TULP3: variants seen among roughly 807,000 people sequenced by gnomAD.
TULP3 encodes the protein tubby-related protein 3.
Under a neutral mutation model 50.7 loss-of-function variants are expected in TULP3, and 38 were observed. The observed-to-expected ratio is 0.75, with a 90% CI of 0.58 to 0.98. The LOEUF is 0.98. Among genes scored for constraint, TULP3 ranks in the 50% least tolerant of loss-of-function variants. The pLI is 0.00. For missense variants in TULP3, 550 were observed against 568.0 expected, an observed-to-expected ratio of 0.97 and a Z score of 0.32; for synonymous variants, 183 against 196.6, an observed-to-expected ratio of 0.93 and a Z score of 0.58.
Position 2,916,872 on chromosome 12 carries a change from C to T in TULP3, c.94-3891C>T, listed in dbSNP as rs1019152475. ...GGTATAGTAGCTGTGGCCCTGATTA[C>T]AGTTTGAGTCTACAGTTGTTTTTTT... On this transcript the variant is annotated intron_variant, in intron 2 of 10. Coordinates refer to ENST00000448120, the MANE Select transcript of TULP3 (RefSeq NM_003324.5). 2.6e-5 allele frequency among the ~76,000 whole-genome samples: 4 copies of T among 152,196 alleles called. No homozygotes were observed. In the South Asian group the frequency reaches 6.2e-4, roughly 24 times the overall value.
At chr12:2,906,713 T>G (rs1413406286) in intron 1 of TULP3, among the ~76,000 whole-genome samples, 2 of 147,480 alleles carry the variant, frequency 1.4e-5, no homozygotes, top group Non-Finnish European at 3.0e-5. Flanking sequence ...GTCAGGAGTT[T>G]GAGACCAGCC....
At chr12:2,923,493 T>A (rs1192825699) in intron 4 of TULP3, among the ~76,000 whole-genome samples, 6 of 151,562 alleles carry the variant, frequency 4.0e-5, no homozygotes, top group Admixed American at 3.3e-4. Flanking sequence ...ACTAAAAATA[T>A]AAAAAAAGTA....
chr12:2,940,899 T>C lies in TULP3; in HGVS notation c.*1455T>C. 1.6e-6 allele frequency: 1 copy of C among 612,202 alleles called. No homozygotes were observed. The highest frequency in any genetic ancestry group is 2.8e-6 in the Non-Finnish European group (1 of 356,530). 37.9% of individuals were successfully genotyped at this position (612,202 alleles called of 1,614,324 possible). A position where few individuals can be genotyped will look rare whatever the true frequency, so the allele number is the denominator to read the frequency against. On this transcript the variant is annotated 3_prime_UTR_variant, in exon 11 of 11. Transcript: ENST00000448120. ...GTCACCACCACCACCCCCCACCCCA[T>C]CCTGAGGCACTGCCTGGCAGATAAC...
intron 1 of TULP3, among the ~76,000 whole-genome samples, chr12:2,895,916 A>AAACAT (rs375129720): frequency 5.1e-4 from 78 of 151,560 alleles, no homozygotes; most frequent in Middle Eastern, 6.8e-3. Flanking sequence ...TAGCATATCT[A>AAACAT]AACATAGCAA....
intron 2 of TULP3, among the ~76,000 whole-genome samples, chr12:2,912,427 G>A (rs561405556): frequency 6.6e-6 from 1 of 152,300 alleles, no homozygotes; most frequent in African/African-American, 2.4e-5. Flanking sequence ...GGGATACAGT[G>A]CACACCCATC....
chr12:2,933,978 G>A (rs993342909), intron 7 of TULP3, among the ~76,000 whole-genome samples: 9 of 152,270 alleles, frequency 5.9e-5, no homozygotes, highest in African/African-American at 2.2e-4. Context: ...GGCTGGTGTG[G>A]TGGCTCAGGC....
intron 4 of TULP3, among the ~76,000 whole-genome samples, chr12:2,924,330 G>A (rs955648459): frequency 1.3e-5 from 2 of 152,138 alleles, no homozygotes; most frequent in Non-Finnish European, 2.9e-5. Flanking sequence ...AGGGAAGTGG[G>A]CTCTAATTAT....
intron 1 of TULP3, among the ~76,000 whole-genome samples, chr12:2,901,845 A>G (rs1457293991): frequency 1.3e-5 from 2 of 152,174 alleles, no homozygotes; most frequent in African/African-American, 4.8e-5. Flanking sequence ...TTTCATTTTG[A>G]TGAAGTCCAA....
chr12:2,908,596 TG>T (rs2098183731), intron 1 of TULP3, among the ~76,000 whole-genome samples: 1 of 122,170 alleles, frequency 8.2e-6, no homozygotes, highest in South Asian at 2.5e-4. Context: ...GCTAATTTTT[TG>T]TATCTTAGTA....
chr12:2,927,958 CAT>C (rs1230561277), intron 4 of TULP3, among the ~76,000 whole-genome samples: 5 of 152,124 alleles, frequency 3.3e-5, no homozygotes, highest in South Asian at 2.1e-4. Flanking sequence ...TGTACTCCCA[CAT>C]ATAAATCTGA....
chr12:2,935,984 C>T (rs916531930), intron 8 of TULP3, among the ~76,000 whole-genome samples: 8 of 148,084 alleles, frequency 5.4e-5, no homozygotes, highest in East Asian at 2.0e-4. Context: ...TAATAATAAT[C>T]GGCCAGGCGT....
In TULP3 at chr12:2,938,205, C is replaced by G. The variant is rs1422426084; in HGVS notation, c.1115C>G (p.Thr372Ser). Residue 372 changes from threonine (T) to serine (S), a missense_variant, in exon 10 of 11, where the codon ACT (threonine) becomes AGT (serine). Transcript: ENST00000448120. ...HNKAPVWNSDTQSYVLNFRGR... is the reference protein window; with the variant it reads ...HNKAPVWNSDSQSYVLNFRGR... ...AAGGCCCCCGTCTGGAACAGTGACACTCAGTCCTATGTCCTCAACTTCCGT... is the reference window on the plus strand; with the variant it reads ...AAGGCCCCCGTCTGGAACAGTGACAGTCAGTCCTATGTCCTCAACTTCCGT... 1 of 1,614,198 alleles carries G rather than the reference C, an allele frequency of 6.2e-7. No individual in the cohort carries two copies. The highest frequency in any genetic ancestry group is 2.2e-5 in the East Asian group (1 of 44,884).
At chr12:2,924,688 T>TAA (rs753260061) in intron 4 of TULP3, among the ~76,000 whole-genome samples, 2 of 137,652 alleles carry the variant, frequency 1.5e-5, no homozygotes, top group African/African-American at 5.3e-5. Context: ...CTTTAAAAAT[T>TAA]AAAAAAAAAA....
chr12:2,936,579 T>TAA (rs55913637), intron 8 of TULP3, among the ~76,000 whole-genome samples: 106 of 134,732 alleles, frequency 7.9e-4, no homozygotes, highest in Middle Eastern at 7.6e-3. Context: ...CCGTCTCGAC[T>TAA]AAAAAAAAAA....
intron 1 of TULP3, among the ~76,000 whole-genome samples, chr12:2,893,115 A>G (rs7485020): frequency 0.49 from 74,217 of 151,234 alleles, 18,909 homozygotes; most frequent in African/African-American, 0.64. Flanking sequence ...TGCCTGCCTC[A>G]GCCTCCAAAA....
At chr12:2,931,540 G>A (rs1009180632) in intron 6 of TULP3, among the ~76,000 whole-genome samples, 12 of 152,174 alleles carry the variant, frequency 7.9e-5, no homozygotes, top group African/African-American at 2.9e-4. Context: ...GAATGTTACT[G>A]TTTGTTCTTT....
At chr12:2,900,962 C>T (rs2098178850) in intron 1 of TULP3, among the ~76,000 whole-genome samples, 1 of 150,866 alleles carries the variant, frequency 6.6e-6, no homozygotes, top group African/African-American at 2.4e-5. Context: ...ATCCTCTTGC[C>T]TCTTAAAGTG....
chr12:2,940,964 T>TG lies in TULP3; in HGVS notation c.*1524dup. 1 of 501,518 alleles carries TG rather than the reference T, an allele frequency of 2.0e-6. No homozygotes were observed. Among genetic ancestry groups the TG allele is most frequent in the South Asian group, 3.1e-5 (1 of 32,128 alleles). The allele number at this position is 501,518 out of a possible 1,614,324, so 31.1% of individuals were successfully genotyped here. ...GAAGCTATTAATACACGACAGCATG[T>TG]GGGGAAGGACTTATGGTGGGCCAGG... On this transcript the variant is annotated 3_prime_UTR_variant, in exon 11 of 11. Transcript: ENST00000448120.
At chr12:2,929,054 CTTT>C (rs34681559) in intron 4 of TULP3, among the ~76,000 whole-genome samples, 2 of 148,676 alleles carry the variant, frequency 1.3e-5, no homozygotes, top group Admixed American at 6.7e-5. Context: ...AAAAAGTACA[CTTT>C]TTTTTTTTTT....
Sources: gnomAD v4.1 joint callset for allele counts (sites outside exome capture counted in the v4.1 genomes callset) on GRCh38, gnomAD v4.1.1 for gene constraint, MANE v1.5 for transcripts, NCBI Gene and HGNC (gene_info 2026-07-23, HGNC 2026-07-21) for gene names.